SLA: variants seen among roughly 807,000 people sequenced by gnomAD.
The protein encoded by SLA is src-like-adapter.
A neutral mutation model predicts 30.3 loss-of-function variants in SLA; 16 were observed. The ratio of observed to expected loss-of-function variants is 0.53; its 90% confidence interval spans 0.36 to 0.80. The LOEUF is 0.80. Ranked by LOEUF, SLA falls within the 30% of genes least tolerant of loss-of-function variation. SLA has a pLI of 0.01. For missense variants in SLA, 310 were observed against 345.2 expected, an observed-to-expected ratio of 0.90 and a Z score of 0.81; for synonymous variants, 143 against 137.8, an observed-to-expected ratio of 1.04 and a Z score of -0.26.
rs955626273 is a variant in SLA, at chr8:133,075,072, G to T, written c.-260C>A. 1.7e-5 allele frequency: 17 copies of T among 985,442 alleles called. No individual in the cohort carries two copies. The highest frequency in any genetic ancestry group is 1.9e-5 in the Non-Finnish European group (16 of 829,922). The allele number at this position is 985,442 out of a possible 1,614,324, so 61.0% of individuals were successfully genotyped here. On this transcript the variant is annotated 5_prime_UTR_variant, in exon 2 of 9. Coordinates refer to ENST00000338087, the MANE Select transcript of SLA (RefSeq NM_001045556.3). Reference sequence around the variant, plus strand: ...TAGGAACGAGGAAGGCACAGGGCTTGCAGAAGGGCAGGTTCCTGTTTTCAG... The same window carrying T: ...TAGGAACGAGGAAGGCACAGGGCTTTCAGAAGGGCAGGTTCCTGTTTTCAG...
chr8:133,087,407 T>G (rs1357455093), intron 1 of SLA, among the ~76,000 whole-genome samples: 2 of 152,174 alleles, frequency 1.3e-5, no homozygotes, highest in East Asian at 3.9e-4. Flanking sequence ...GGACCTCTTA[T>G]CTCAGCCAGA....
At chr8:133,060,647 T>C (rs1194610694) in intron 2 of SLA, among the ~76,000 whole-genome samples, 2 of 152,230 alleles carry the variant, frequency 1.3e-5, no homozygotes, top group African/African-American at 4.8e-5. Context: ...TACTTTCTGC[T>C]GCTACTTTTT....
chr8:133,049,818 T>C, intron 5 of SLA, 84 bp downstream of exon 5: 1 of 944,172 alleles, frequency 1.1e-6, no homozygotes, highest in Non-Finnish European at 1.8e-6. Context: ...CTTACCACTA[T>C]GAATGCTGGA....
chr8:133,074,101 C>A (rs1304059165), intron 2 of SLA, among the ~76,000 whole-genome samples: 1 of 152,118 alleles, frequency 6.6e-6, no homozygotes, highest in East Asian at 1.9e-4. Flanking sequence ...TGGAGTGTGC[C>A]ATATTTCTTA....
chr8:133,091,215 T>G (rs1847463228), intron 1 of SLA, among the ~76,000 whole-genome samples: 1 of 152,230 alleles, frequency 6.6e-6, no homozygotes, highest in Non-Finnish European at 1.5e-5. Flanking sequence ...TTGTAGGAAT[T>G]AACTCCTCGA....
At chr8:133,049,598 C>T in intron 5 of SLA, 2 of 386,512 alleles carry the variant, frequency 5.2e-6, no homozygotes, top group Admixed American at 3.6e-5. Flanking sequence ...CTAGTCTCTG[C>T]ACTGTGCTGT....
chr8:133,060,709 A>C (rs534601918), intron 2 of SLA, among the ~76,000 whole-genome samples: 2 of 152,296 alleles, frequency 1.3e-5, no homozygotes, highest in African/African-American at 2.4e-5. Flanking sequence ...AAAGAGGAAA[A>C]CTTCATAACA....
intron 1 of SLA, among the ~76,000 whole-genome samples, chr8:133,083,405 G>A (rs939459546): frequency 2.6e-5 from 4 of 152,168 alleles, no homozygotes; most frequent in African/African-American, 9.7e-5. Context: ...AATGAATGAG[G>A]TAAATATTCT....
chr8:133,050,248 A>G, intron 4 of SLA: 1 of 513,400 alleles, frequency 1.9e-6, no homozygotes. Flanking sequence ...AGGGATTAGC[A>G]GCTAATGTTC....
rs533339079 is a variant in SLA at position 133,057,080 on chromosome 8, G to A, written c.61+3020C>T. ...GTCCCTACCTCCTTCTTCCTTCCCC[G>A]AGCCCCACCCGCCCCCTTCTTTCCA... On this transcript the variant is annotated intron_variant, in intron 3 of 8. Transcript: ENST00000338087. Among the ~76,000 whole-genome samples the A allele has an allele frequency of 8.2e-4, 108 of 131,212 alleles. 2 individuals carry two copies. The highest frequency in any genetic ancestry group is 3.9e-3 in the South Asian group (15 of 3,832). The allele number at this position is 131,212 out of a possible 152,430, so 86.1% of individuals were successfully genotyped here. A position where few individuals can be genotyped will look rare whatever the true frequency, so the allele number is the denominator to read the frequency against.
At chr8:133,046,954 A>C (rs1159170496) in intron 6 of SLA, among the ~76,000 whole-genome samples, 1 of 152,138 alleles carries the variant, frequency 6.6e-6, no homozygotes, top group Non-Finnish European at 1.5e-5. Context: ...TTTGATATTG[A>C]ATGTACAAGA....
chr8:133,056,818 T>C (rs1294003277), intron 3 of SLA, among the ~76,000 whole-genome samples: 4 of 152,308 alleles, frequency 2.6e-5, no homozygotes, highest in Non-Finnish European at 5.9e-5. Flanking sequence ...TCTCTCGTTG[T>C]GTGTCAGTGC....
intron 1 of SLA, among the ~76,000 whole-genome samples, chr8:133,099,327 C>T (rs150415681): frequency 2.2e-4 from 34 of 152,320 alleles, no homozygotes; most frequent in Middle Eastern, 3.4e-3. Flanking sequence ...ATTAGTGAAG[C>T]CACTGAGCAG....
At chr8:133,097,284 T>G (rs1848569580) in intron 1 of SLA, among the ~76,000 whole-genome samples, 2 of 152,242 alleles carry the variant, frequency 1.3e-5, no homozygotes, top group Admixed American at 1.3e-4. Context: ...ATATTTCACC[T>G]TGGGGACTCT....
At chr8:133,048,060 C>T (rs1342425488) in intron 5 of SLA, 127 bp from the exon 6 acceptor site, 1 of 606,298 alleles carries the variant, frequency 1.6e-6, no homozygotes, top group East Asian at 2.8e-5. Context: ...AGACAGGAAG[C>T]ATCATCTCTC....
intron 3 of SLA, among the ~76,000 whole-genome samples, chr8:133,052,637 T>C (rs1840628842): frequency 6.6e-6 from 1 of 152,210 alleles, no homozygotes; most frequent in Non-Finnish European, 1.5e-5. Flanking sequence ...TTGTGTTAAG[T>C]TTGAAGCCAG....
At chr8:133,086,177 T>C (rs140242982) in intron 1 of SLA, among the ~76,000 whole-genome samples, 73 of 152,270 alleles carry the variant, frequency 4.8e-4, no homozygotes, top group African/African-American at 1.7e-3. Context: ...GAAAGTAGAT[T>C]AGTGATGGCC....
intron 3 of SLA, among the ~76,000 whole-genome samples, chr8:133,054,610 C>G (rs760139565): frequency 7.9e-5 from 12 of 152,172 alleles, no homozygotes; most frequent in Non-Finnish European, 1.5e-4. Flanking sequence ...AACTCAAGAC[C>G]AGTGTTAGCC....
intron 6 of SLA, among the ~76,000 whole-genome samples, chr8:133,046,802 A>AT (rs1019294125): frequency 3.3e-5 from 5 of 152,022 alleles, no homozygotes; most frequent in Non-Finnish European, 7.4e-5. Context: ...TTGATCGCAG[A>AT]TTTTTTTTAA....
Sources: gnomAD v4.1 joint callset for allele counts (sites outside exome capture counted in the v4.1 genomes callset) on GRCh38, gnomAD v4.1.1 for gene constraint, MANE v1.5 for transcripts, NCBI Gene and HGNC (gene_info 2026-07-23, HGNC 2026-07-21) for gene names.